Variants in HTR4 observed in about 807,000 individuals in gnomAD.
HTR4 encodes 5-hydroxytryptamine (serotonin) receptor 4, G protein-coupled.
In HTR4, 16 loss-of-function variants were observed where a neutral mutation model predicts 36.8. That is an observed-to-expected ratio of 0.43 (90% CI 0.29 to 0.66). The LOEUF (loss-of-function observed/expected upper bound fraction) is 0.66, where lower values mean the gene tolerates loss of function less well. HTR4 is among the 30% of genes least tolerant of loss of function. The pLI, the probability that HTR4 is intolerant of heterozygous loss-of-function variation, is 0.13. For missense variants in HTR4, 438 were observed against 490.9 expected (o/e 0.89, Z 1.02); for synonymous variants, 189 against 185.1 (o/e 1.02, Z -0.17).
At position 148,459,237 on chromosome 5, in the gene HTR4, G is replaced by C. The variant is rs778957799; in HGVS notation, c.1077-7965C>G. ...AGTATATGAGAGATAAGAACTCGAG[G>C]GGGGAGGGCAATAATAGGGGACCTC... On this transcript the variant is annotated intron_variant, in intron 5 of 5. Transcript: ENST00000521530. Among the ~76,000 whole-genome samples the C allele has an allele frequency of 9.1e-4, 139 of 152,168 alleles. 1 individual carries two copies. The highest frequency in any genetic ancestry group is 2.5e-4 in the Non-Finnish European group (17 of 68,000).
At chr5:148,463,621 T>A (rs528356116) in intron 5 of HTR4, among the ~76,000 whole-genome samples, 9 of 152,122 alleles carry the variant, frequency 5.9e-5, no homozygotes, top group African/African-American at 2.2e-4. Flanking sequence ...ATAGAAAGGC[T>A]AAATATTGTC....
rs867260372 is a variant in HTR4 at position 148,529,377 on chromosome 5, G to A, written c.354-6031C>T. Among the ~76,000 whole-genome samples, 8 of 152,226 alleles carry A rather than the reference G, an allele frequency of 5.3e-5. No individual in the cohort carries two copies. In the South Asian group the frequency reaches 8.3e-4, roughly 16 times the overall value. ...ACCAAGTGGGAGGTGATTGAATCAC[G>A]GGAGTGCGTCTTTCCCATGTTGTTC... On this transcript the variant is annotated intron_variant, in intron 4 of 6. Coordinates refer to ENST00000377888, the MANE Select transcript of HTR4 (RefSeq NM_000870.7).
At chr5:148,624,976 T>C (rs1203270518) in intron 2 of HTR4, among the ~76,000 whole-genome samples, 5 of 152,144 alleles carry the variant, frequency 3.3e-5, no homozygotes, top group Non-Finnish European at 7.4e-5. Context: ...ACAATGACAA[T>C]TATAAATAAT....
chr5:148,505,989 C>T (rs1299860548), intron 6 of HTR4, among the ~76,000 whole-genome samples: 2 of 152,152 alleles, frequency 1.3e-5, no homozygotes, highest in Non-Finnish European at 2.9e-5. Context: ...CATCAAGCTA[C>T]CAATGACTTT....
chr5:148,498,564 C>T (rs182181428), intron 6 of HTR4, among the ~76,000 whole-genome samples: 1 of 152,182 alleles, frequency 6.6e-6, no homozygotes, highest in East Asian at 1.9e-4. Flanking sequence ...ATAGTTTCTC[C>T]CCTCAAGGAA....
chr5:148,523,149 A>C lies in HTR4; in HGVS notation c.507+44T>G, dbSNP rs543728176. The C allele has an allele frequency of 8.4e-6, 13 of 1,540,884 alleles. No individual in the cohort carries two copies. In the East Asian group the frequency reaches 1.4e-4, roughly 16 times the overall value. ...TTATTCATTTAGGAACCCCATGCAAAGTTGATCAGACAGTAAACCAGTGAG... is the reference window on the plus strand; with the variant it reads ...TTATTCATTTAGGAACCCCATGCAACGTTGATCAGACAGTAAACCAGTGAG... On this transcript the variant is annotated intron_variant, in intron 5 of 6. Transcript: ENST00000377888.
At chr5:148,462,384 G>A (rs1022282679) in intron 5 of HTR4, among the ~76,000 whole-genome samples, 17 of 151,788 alleles carry the variant, frequency 1.1e-4, no homozygotes, top group African/African-American at 4.1e-4. Flanking sequence ...GAATAATCAA[G>A]TACTACAAAA....
At chr5:148,523,387 G>A in intron 4 of HTR4, 41 bp from the exon 5 acceptor site, 2 of 1,514,592 alleles carry the variant, frequency 1.3e-6, no homozygotes, top group African/African-American at 1.4e-5. Context: ...CATGGGCAAG[G>A]AGGAATGGGA....
intron 6 of HTR4, among the ~76,000 whole-genome samples, chr5:148,485,562 T>C (rs1756111705): frequency 6.6e-6 from 1 of 152,332 alleles, no homozygotes; most frequent in Non-Finnish European, 1.5e-5. Context: ...TTTCCATTTA[T>C]TGCAACACAA....
In HTR4 at chr5:148,614,396, A is replaced by C. The variant is rs1453735230; in HGVS notation, c.26+22593T>G. Among the ~76,000 whole-genome samples, 5 of 152,202 alleles carry C rather than the reference A, an allele frequency of 3.3e-5. No individual in the cohort carries two copies. In the East Asian group the frequency reaches 9.6e-4, roughly 29 times the overall value. ...AATGCCGCATATCTACAACTATCTGATCTTTGACAAACTTGAGAAAAACAA... is the reference window on the plus strand; with the variant it reads ...AATGCCGCATATCTACAACTATCTGCTCTTTGACAAACTTGAGAAAAACAA... On this transcript the variant is annotated intron_variant, in intron 2 of 6. Transcript: ENST00000377888.
At chr5:148,472,039 A>G (rs970398218), downstream of HTR4, among the ~76,000 whole-genome samples, 1 of 152,174 alleles carries the variant, frequency 6.6e-6, no homozygotes, top group Non-Finnish European at 1.5e-5. Context: ...GGTTCCACTC[A>G]CCAGTTTCCC....
chr5:148,518,223 T>A (rs1264939900), intron 5 of HTR4, among the ~76,000 whole-genome samples: 2 of 152,130 alleles, frequency 1.3e-5, no homozygotes, highest in Non-Finnish European at 2.9e-5. Flanking sequence ...ATCCTAGATA[T>A]CTGCTTATTT....
rs752582120 is a variant in HTR4 at position 148,527,480 on chromosome 5, G to T, written c.354-4134C>A. ...TTGCCCTACATTCTGTTGTCCAAAT[G>T]TTCTATGCTTTAATTTGCCTTACCC... On this transcript the variant is annotated intron_variant, in intron 4 of 6. Coordinates refer to ENST00000377888, the MANE Select transcript of HTR4 (RefSeq NM_000870.7). Among the ~76,000 whole-genome samples, 3 of 152,086 alleles carry T rather than the reference G, an allele frequency of 2.0e-5. No individual in the cohort carries two copies. The South Asian group carries it at 6.2e-4, about 32-fold the overall frequency.
intron 2 of HTR4, among the ~76,000 whole-genome samples, chr5:148,589,717 T>C (rs983199451): frequency 1.4e-4 from 22 of 152,222 alleles, no homozygotes; most frequent in African/African-American, 4.8e-4. Context: ...TATGGAGATA[T>C]ACTTTACAAA....
chr5:148,458,894 C>A (rs550362427), intron 5 of HTR4, among the ~76,000 whole-genome samples: 51 of 152,230 alleles, frequency 3.4e-4, no homozygotes, highest in Non-Finnish European at 4.0e-4. Context: ...GTTGAATGGA[C>A]TAGAGTGAGG....
intron 6 of HTR4, among the ~76,000 whole-genome samples, chr5:148,498,285 A>G (rs1412538211): frequency 6.6e-6 from 1 of 152,184 alleles, no homozygotes; most frequent in Non-Finnish European, 1.5e-5. Flanking sequence ...AAAGACTTTA[A>G]AGGAAGGAGG....
At chr5:148,477,367 T>C (rs972591954), downstream of HTR4, among the ~76,000 whole-genome samples, 1 of 152,218 alleles carries the variant, frequency 6.6e-6, no homozygotes, top group African/African-American at 2.4e-5. Flanking sequence ...AAATGCATCT[T>C]TGTTTGCAGA....
intron 5 of HTR4, among the ~76,000 whole-genome samples, chr5:148,458,287 C>T (rs1755173333): frequency 6.6e-6 from 1 of 151,530 alleles, no homozygotes; most frequent in Non-Finnish European, 1.5e-5. Context: ...AAAGATTTTA[C>T]AGTTGGTATT....
At chr5:148,536,152 G>C (rs1197217536) in intron 4 of HTR4, among the ~76,000 whole-genome samples, 1 of 152,016 alleles carries the variant, frequency 6.6e-6, no homozygotes, top group East Asian at 1.9e-4. Context: ...CCTAAGTGAA[G>C]GAGAAATAAG....
Sources: allele counts gnomAD v4.1 joint callset (sites outside exome capture counted in the v4.1 genomes callset), GRCh38; gene constraint gnomAD v4.1.1; transcripts MANE v1.5; gene names NCBI Gene and HGNC (gene_info 2026-07-23, HGNC 2026-07-21).